LPCAT1: variants seen among roughly 807,000 people sequenced by gnomAD.
LPCAT1 encodes 1-acylglycerol-3-phosphate O-acyltransferase.
A neutral mutation model predicts 60.9 loss-of-function variants in LPCAT1; 23 were observed. The ratio of observed to expected loss-of-function variants is 0.38; its 90% CI spans 0.27 to 0.53. The LOEUF (loss-of-function observed/expected upper bound fraction) is 0.53. LPCAT1 is among the 20% of genes least tolerant of loss of function. LPCAT1 has a pLI of 0.82. For missense variants in LPCAT1, 622 were observed against 723.6 expected (o/e 0.86, Z 1.61); for synonymous variants, 340 against 301.1 (o/e 1.13, Z -1.34).
intron 13 of LPCAT1, among the ~76,000 whole-genome samples, chr5:1,465,088 C>T (rs908548660): frequency 5.4e-5 from 8 of 148,618 alleles, no homozygotes; most frequent in African/African-American, 1.7e-4. Context: ...AACACACATG[C>T]GCATGCACAC....
At position 1,463,727 on chromosome 5, in the gene LPCAT1, G is replaced by C. The variant is rs368316464; in HGVS notation, c.1529C>G (p.Pro510Arg). The C allele has an allele frequency of 5.0e-6, 8 of 1,614,162 alleles. No homozygotes were observed. Among genetic ancestry groups the C allele is most frequent in the Non-Finnish European group, 6.8e-6 (8 of 1,180,058 alleles). Residue 510 changes from proline to arginine, a missense_variant, in exon 14 of 14, where the codon CCA becomes CGA. Around this residue, in one of 3 missense-constraint regions of LPCAT1, gnomAD observed 288 missense variants for 283.6 expected, o/e 1.02. Coordinates refer to ENST00000283415, the MANE Select transcript of LPCAT1 (RefSeq NM_024830.5). ...SCAETSPAPI[P>R]NGFCADFSPE... Reference sequence around the variant, plus strand: ...GCTGAAATCGGCACAGAAGCCGTTTGGGATTGGCGCAGGTGAGGTCTCTGC... The same window carrying C: ...GCTGAAATCGGCACAGAAGCCGTTTCGGATTGGCGCAGGTGAGGTCTCTGC...
intron 3 of LPCAT1, among the ~76,000 whole-genome samples, chr5:1,494,055 A>G (rs1355848899): frequency 6.6e-6 from 1 of 152,206 alleles, no homozygotes; most frequent in African/African-American, 2.4e-5. Context: ...GATTTTGAAC[A>G]TCTGGTCCCC....
chr5:1,484,719 C>T (rs1023111641), intron 5 of LPCAT1, among the ~76,000 whole-genome samples: 13 of 152,218 alleles, frequency 8.5e-5, no homozygotes, highest in South Asian at 4.1e-4. Context: ...TCGAGCTGAC[C>T]GCCCAACCCA....
chr5:1,465,019 A>T (rs1734292987), intron 13 of LPCAT1, among the ~76,000 whole-genome samples: 1 of 139,224 alleles, frequency 7.2e-6, no homozygotes. Flanking sequence ...ACACACACAA[A>T]ACAAGCGCAG....
intron 4 of LPCAT1, among the ~76,000 whole-genome samples, 167 bp from the exon 5 acceptor site, chr5:1,488,618 C>T (rs754393254): frequency 1.3e-5 from 2 of 152,244 alleles, no homozygotes; most frequent in Admixed American, 6.5e-5. Flanking sequence ...GAAGCACACA[C>T]TGATTTCCGC....
At chr5:1,473,424 G>A (rs1025251934) in intron 11 of LPCAT1, among the ~76,000 whole-genome samples, 14 of 152,224 alleles carry the variant, frequency 9.2e-5, no homozygotes, top group African/African-American at 1.9e-4. Context: ...GAGGCTGCCC[G>A]CCATGTTCAG....
At chr5:1,465,004 C>T (rs984928895) in intron 13 of LPCAT1, among the ~76,000 whole-genome samples, 3 of 148,176 alleles carry the variant, frequency 2.0e-5, no homozygotes, top group African/African-American at 7.6e-5. Flanking sequence ...CACACAATAA[C>T]ATGCACACAC....
chr5:1,498,181 C>G (rs552964128), intron 2 of LPCAT1, among the ~76,000 whole-genome samples: 3 of 152,316 alleles, frequency 2.0e-5, no homozygotes, highest in African/African-American at 7.2e-5. Flanking sequence ...AAACCGACTA[C>G]GTAATTATTA....
chr5:1,515,241 G>A (rs1736471078), intron 1 of LPCAT1, among the ~76,000 whole-genome samples: 1 of 150,652 alleles, frequency 6.6e-6, no homozygotes, highest in African/African-American at 2.5e-5. Context: ...CTCCGAACTG[G>A]CCGCAGATAC....
chr5:1,505,559 C>A (rs1302912409), intron 1 of LPCAT1, among the ~76,000 whole-genome samples: 1 of 81,412 alleles, frequency 1.2e-5, no homozygotes, highest in Non-Finnish European at 2.4e-5. Flanking sequence ...CGCCTGCATG[C>A]CGGGTAGGGT....
chr5:1,485,073 C>T (rs1457299547), intron 5 of LPCAT1, among the ~76,000 whole-genome samples: 1 of 152,138 alleles, frequency 6.6e-6, no homozygotes, highest in Non-Finnish European at 1.5e-5. Flanking sequence ...CCCAGGAGCT[C>T]GCGTGGAGTG....
rs1398984535 is a variant in LPCAT1 at position 1,494,629 on chromosome 5, T to C, written c.493+71A>G. The C allele has an allele frequency of 3.7e-5, 52 of 1,414,576 alleles. 2 individuals carry two copies. The South Asian group carries it at 4.2e-4, about 11-fold the overall frequency. 87.6% of individuals were successfully genotyped at this position (1,414,576 alleles called of 1,614,324 possible). A position where few individuals can be genotyped will look rare whatever the true frequency, so the allele number is the denominator to read the frequency against. ...CCAGCAGGAGGGGAATCTCTTATTCTCAGCAGCAGGGGGATCTCTCACTCC... is the reference window on the plus strand; with the variant it reads ...CCAGCAGGAGGGGAATCTCTTATTCCCAGCAGCAGGGGGATCTCTCACTCC... On this transcript the variant is annotated intron_variant, in intron 3 of 13. Transcript: ENST00000283415.
chr5:1,476,452 A>G lies in LPCAT1; in HGVS notation c.899+952T>C, dbSNP rs188201811. 2.2e-4 allele frequency among the ~76,000 whole-genome samples: 34 copies of G among 152,174 alleles called. No individual in the cohort carries two copies. Among genetic ancestry groups the G allele is most frequent in the Middle Eastern group, 3.4e-3 (1 of 294 alleles). ...TCAGGGTGTCAGCGGAGTGTGAACA[A>G]AGTGGCTCGGAGGTCAGAGCCAGGC... is the stretch of plus-strand genomic sequence containing the variant. On this transcript the variant is annotated intron_variant, in intron 9 of 13. Transcript: ENST00000283415. The surrounding 1 kb of genome is among the most constrained non-coding windows in gnomAD (Gnocchi z 8.6).
At chr5:1,466,275 G>A (rs1050814531) in intron 13 of LPCAT1, among the ~76,000 whole-genome samples, 3 of 152,226 alleles carry the variant, frequency 2.0e-5, no homozygotes, top group African/African-American at 7.2e-5. Flanking sequence ...GATGTCCACA[G>A]ACAGGTGACT....
intron 1 of LPCAT1, among the ~76,000 whole-genome samples, chr5:1,518,160 C>T (rs1736562684): frequency 6.6e-6 from 1 of 152,206 alleles, no homozygotes; most frequent in African/African-American, 2.4e-5. Flanking sequence ...GGGGATGCAC[C>T]GTGGCCCCAT....
chr5:1,513,025 G>A (rs2126615127), intron 1 of LPCAT1, among the ~76,000 whole-genome samples: 1 of 152,306 alleles, frequency 6.6e-6, no homozygotes, highest in East Asian at 1.9e-4. Context: ...GCTCAGCTGA[G>A]AAATCAGGAG....
At chr5:1,488,687 T>G (rs1205365370) in intron 4 of LPCAT1, among the ~76,000 whole-genome samples, 1 of 152,234 alleles carries the variant, frequency 6.6e-6, no homozygotes, top group Non-Finnish European at 1.5e-5. Flanking sequence ...ATCTGTCTTC[T>G]TCAACTACAG....
In LPCAT1 at chr5:1,473,954, T is replaced by C. The variant is rs1170410370; in HGVS notation, c.1179+3A>G. On this transcript the variant is annotated splice_donor_region_variant and intron_variant, in intron 11 of 13. Transcript: ENST00000283415. The stretch of plus-strand genomic sequence containing the variant: ...ACCCCGCTCCGCAGGCGACAGGCCC[T>C]ACCTCGTCGAACAGTGAAAACATGT... The C allele has an allele frequency of 6.2e-7, 1 of 1,613,942 alleles. No individual in the cohort carries two copies. Among genetic ancestry groups the C allele is most frequent in the African/African-American group, 1.3e-5 (1 of 74,928 alleles).
Position 1,495,205 on chromosome 5 carries a change from AAC to A in LPCAT1, c.279-293_279-292del, listed in dbSNP as rs1735742814. Among the ~76,000 whole-genome samples the A allele has an allele frequency of 6.6e-6, 1 of 152,210 alleles. No homozygotes were observed. On this transcript the variant is annotated intron_variant, in intron 2 of 13. Coordinates refer to ENST00000283415, the MANE Select transcript of LPCAT1 (RefSeq NM_024830.5). This position sits in a 1 kb window ranked among gnomAD's most constrained non-coding sequence, Gnocchi z 4.7. ...GTGCTAAGACAACATGAGACTCCGG[AAC>A]ACAGACAGCACAAGTCCCAGGCCAG... is the stretch of plus-strand genomic sequence containing the variant.
Sources: allele counts gnomAD v4.1 joint callset (sites outside exome capture counted in the v4.1 genomes callset), GRCh38; gene constraint gnomAD v4.1.1; regional missense constraint gnomAD v4.1.1; non-coding constraint Gnocchi (gnomAD v3.1); transcripts MANE v1.5; gene names NCBI Gene and HGNC (gene_info 2026-07-23, HGNC 2026-07-21).